Variants in CDH12 observed in about 807,000 individuals in gnomAD.
CDH12 encodes the protein cadherin-12.
Under a neutral mutation model 74.1 loss-of-function variants are expected in CDH12, and 41 were observed. The ratio of observed to expected loss-of-function variants is 0.55; its 90% CI spans 0.43 to 0.72. The LOEUF (loss-of-function observed/expected upper bound fraction) is 0.72. Ranked by LOEUF, CDH12 falls within the 30% of genes least tolerant of loss-of-function variation. CDH12 has a pLI of 0.00. For synonymous variants in CDH12, 399 were observed against 355.0 expected, an observed-to-expected ratio of 1.12 and a Z score of -1.39; for missense variants, 945 against 977.2, an observed-to-expected ratio of 0.97 and a Z score of 0.44.
chr5:21,898,961 T>C (rs768071756), intron 6 of CDH12, among the ~76,000 whole-genome samples: 3 of 152,162 alleles, frequency 2.0e-5, no homozygotes, highest in Admixed American at 6.5e-5. Flanking sequence ...AACTCTGTTT[T>C]AGTCTATCTC....
intron 1 of CDH12, among the ~76,000 whole-genome samples, chr5:22,590,635 T>C (rs1395955247): frequency 1.3e-5 from 2 of 152,208 alleles, no homozygotes; most frequent in East Asian, 3.8e-4. Flanking sequence ...AAAGATCTAA[T>C]ATACTTATTT....
At chr5:21,908,940 A>C (rs1753753178) in intron 6 of CDH12, among the ~76,000 whole-genome samples, 3 of 152,032 alleles carry the variant, frequency 2.0e-5, no homozygotes. Context: ...ATTTATTTGG[A>C]TTTCCCCAGG....
At chr5:22,388,211 C>T (rs1742084196) in intron 3 of CDH12, among the ~76,000 whole-genome samples, 1 of 152,026 alleles carries the variant, frequency 6.6e-6, no homozygotes, top group South Asian at 2.1e-4. Context: ...TGTTATTAAA[C>T]TCTCTTGGCT....
At chr5:22,444,404 A>C (rs1198393512) in intron 2 of CDH12, among the ~76,000 whole-genome samples, 1 of 152,082 alleles carries the variant, frequency 6.6e-6, no homozygotes, top group Non-Finnish European at 1.5e-5. Context: ...TATTCAGGTA[A>C]ATATTTATTA....
chr5:22,406,075 C>A (rs1361182108), intron 2 of CDH12, among the ~76,000 whole-genome samples: 2 of 152,078 alleles, frequency 1.3e-5, no homozygotes, highest in African/African-American at 4.8e-5. Flanking sequence ...ATATTCAATT[C>A]AATACTGGTT....
At chr5:21,914,864 G>T (rs1000088295) in intron 6 of CDH12, among the ~76,000 whole-genome samples, 1 of 152,198 alleles carries the variant, frequency 6.6e-6, no homozygotes, top group African/African-American at 2.4e-5. Context: ...ATCATCACAT[G>T]AAATGCCAAG....
chr5:22,421,930 A>G (rs1356139304), intron 2 of CDH12, among the ~76,000 whole-genome samples: 3 of 152,116 alleles, frequency 2.0e-5, no homozygotes, highest in Non-Finnish European at 4.4e-5. Flanking sequence ...GCATTTCTCT[A>G]ATGACCAGTG....
chr5:22,018,777 G>T (rs540852564), intron 5 of CDH12, among the ~76,000 whole-genome samples: 1 of 151,994 alleles, frequency 6.6e-6, no homozygotes, highest in African/African-American at 2.4e-5. Flanking sequence ...CAGGTGTTAC[G>T]TTCAGAAATG....
rs1025136694 is a variant in CDH12, at chr5:22,789,317, T to C, written c.-523+63741A>G. On this transcript the variant is annotated intron_variant, in intron 1 of 14. Coordinates refer to ENST00000382254, the MANE Select transcript of CDH12 (RefSeq NM_004061.5). ...GTTAAAGCACAGCCCAGTGAAATGTTTGAAGTTCTGGAATTAAAGTGACAT... is the reference window on the plus strand; with the variant it reads ...GTTAAAGCACAGCCCAGTGAAATGTCTGAAGTTCTGGAATTAAAGTGACAT... 2.6e-5 allele frequency among the ~76,000 whole-genome samples: 4 copies of C among 152,148 alleles called. No homozygotes were observed. The South Asian group carries it at 8.3e-4, about 32-fold the overall frequency.
intron 2 of CDH12, among the ~76,000 whole-genome samples, chr5:22,464,009 A>G (rs1745627483): frequency 6.6e-6 from 1 of 152,170 alleles, no homozygotes; most frequent in Non-Finnish European, 1.5e-5. Flanking sequence ...TGTAACTCCC[A>G]GAGTTCCCAT....
At chr5:21,763,634 C>T (rs962703819) in intron 12 of CDH12, among the ~76,000 whole-genome samples, 5 of 152,096 alleles carry the variant, frequency 3.3e-5, no homozygotes, top group Admixed American at 2.6e-4. Context: ...AATGCAGATC[C>T]ACAATATTAG....
chr5:22,076,212 C>T (rs1742306105), intron 5 of CDH12, among the ~76,000 whole-genome samples: 1 of 151,954 alleles, frequency 6.6e-6, no homozygotes, highest in South Asian at 2.1e-4. Flanking sequence ...AGACTTACTC[C>T]TTTTTAATTA....
chr5:22,749,239 G>A (rs1047915634), intron 1 of CDH12, among the ~76,000 whole-genome samples: 1 of 152,228 alleles, frequency 6.6e-6, no homozygotes, highest in Non-Finnish European at 1.5e-5. Context: ...TGGCCCTGAA[G>A]CAAACAGGTT....
At chr5:22,724,212 T>A (rs1036480327) in intron 1 of CDH12, among the ~76,000 whole-genome samples, 1 of 151,582 alleles carries the variant, frequency 6.6e-6, no homozygotes, top group African/African-American at 2.4e-5. Flanking sequence ...TAAATTTTTT[T>A]AAAGATATTA....
chr5:22,448,533 A>C (rs554602813), intron 2 of CDH12, among the ~76,000 whole-genome samples: 1 of 152,196 alleles, frequency 6.6e-6, no homozygotes. Flanking sequence ...TAATTTAAAT[A>C]ATTCAGAAAA....
At chr5:22,826,506 T>C (rs750510492) in intron 1 of CDH12, among the ~76,000 whole-genome samples, 1 of 151,936 alleles carries the variant, frequency 6.6e-6, no homozygotes, top group South Asian at 2.1e-4. Context: ...CAGACAGAGA[T>C]TGGAACAATT....
chr5:22,378,332 C>T (rs923703430), intron 3 of CDH12, among the ~76,000 whole-genome samples: 1 of 151,976 alleles, frequency 6.6e-6, no homozygotes, highest in Admixed American at 6.6e-5. Flanking sequence ...TACAGGCTGC[C>T]AAAAACTATT....
At chr5:21,911,869 A>T (rs1753874495) in intron 6 of CDH12, among the ~76,000 whole-genome samples, 1 of 152,120 alleles carries the variant, frequency 6.6e-6, no homozygotes, top group African/African-American at 2.4e-5. Context: ...TTTTCCCATT[A>T]AAAAGTTTAT....
intron 6 of CDH12, among the ~76,000 whole-genome samples, chr5:21,893,833 T>C (rs1752999793): frequency 6.6e-6 from 1 of 152,190 alleles, no homozygotes. Flanking sequence ...CTGAAATGGC[T>C]CCTTACATAA....
Sources: allele counts gnomAD v4.1 joint callset (sites outside exome capture counted in the v4.1 genomes callset), GRCh38; gene constraint gnomAD v4.1.1; transcripts MANE v1.5; gene names NCBI Gene and HGNC (gene_info 2026-07-23, HGNC 2026-07-21).